The following SEMA6D variants were observed in gnomAD, a reference collection of about 807,000 sequenced individuals.
SEMA6D encodes the protein semaphorin-6D.
Under a neutral mutation model 106.6 loss-of-function variants are expected in SEMA6D, and 35 were observed. The ratio of observed to expected loss-of-function variants is 0.33; its 90% CI spans 0.25 to 0.44. The LOEUF (loss-of-function observed/expected upper bound fraction) is 0.44. Ranked by LOEUF, SEMA6D falls within the 20% of genes least tolerant of loss-of-function variation. The pLI is 1.00. For synonymous variants in SEMA6D, 499 were observed against 487.7 expected (o/e 1.02, Z -0.31); for missense variants, 1,185 against 1,345.9 (o/e 0.88, Z 1.87).
chr15:47,570,460 T>C (rs2046351626), intron 3 of SEMA6D, among the ~76,000 whole-genome samples: 1 of 152,252 alleles, frequency 6.6e-6, no homozygotes, highest in Non-Finnish European at 1.5e-5. Flanking sequence ...TATGTCACAA[T>C]TGGTGAAACT....
At chr15:47,506,633 G>A (rs933274514) in intron 3 of SEMA6D, among the ~76,000 whole-genome samples, 1 of 95,708 alleles carries the variant, frequency 1.0e-5, no homozygotes, top group Non-Finnish European at 2.1e-5. Context: ...CACACACACA[G>A]CGTTATCGAC....
At chr15:47,571,899 G>C (rs540901123) in intron 3 of SEMA6D, among the ~76,000 whole-genome samples, 1 of 152,180 alleles carries the variant, frequency 6.6e-6, no homozygotes, top group Non-Finnish European at 1.5e-5. Flanking sequence ...CAAACAAAGA[G>C]ATGATTTTTT....
At chr15:47,204,084 C>T (rs905536636) in intron 1 of SEMA6D, among the ~76,000 whole-genome samples, 4 of 152,066 alleles carry the variant, frequency 2.6e-5, no homozygotes, top group African/African-American at 4.8e-5. Flanking sequence ...AAGGAAGAGT[C>T]GAATTATTAC....
intron 1 of SEMA6D, among the ~76,000 whole-genome samples, chr15:47,318,262 T>C (rs956048399): frequency 4.0e-5 from 6 of 151,544 alleles, no homozygotes; most frequent in Non-Finnish European, 8.8e-5. Flanking sequence ...ATTTTTCTTT[T>C]TTTTAAAATT....
chr15:47,304,433 TAAAAAAAAAAAAAA>T (rs56185341), intron 1 of SEMA6D, among the ~76,000 whole-genome samples: 4 of 93,870 alleles, frequency 4.3e-5, no homozygotes, highest in East Asian at 1.0e-3. Flanking sequence ...GCCTTCTAAC[TAAAAAAAAAAAAAA>T]AAAAAAAAAA....
chr15:47,354,229 A>G (rs1205519533), intron 1 of SEMA6D, among the ~76,000 whole-genome samples: 2 of 148,456 alleles, frequency 1.3e-5, no homozygotes, highest in African/African-American at 4.9e-5. Flanking sequence ...ATATACACAC[A>G]TACATATATA....
intron 3 of SEMA6D, among the ~76,000 whole-genome samples, chr15:47,571,276 A>G (rs1215232144): frequency 6.6e-6 from 1 of 152,222 alleles, no homozygotes; most frequent in East Asian, 1.9e-4. Context: ...AAGAAAAAAA[A>G]AATTCTGGAG....
chr15:47,245,102 TG>T (rs1566948013), intron 1 of SEMA6D, among the ~76,000 whole-genome samples: 1 of 152,110 alleles, frequency 6.6e-6, no homozygotes, highest in African/African-American at 2.4e-5. Flanking sequence ...AATCCAACAT[TG>T]ATGGGCACCT....
At chr15:47,256,475 A>G (rs2033808684) in intron 1 of SEMA6D, among the ~76,000 whole-genome samples, 1 of 152,202 alleles carries the variant, frequency 6.6e-6, no homozygotes, top group South Asian at 2.1e-4. Context: ...ACAATTTTTC[A>G]AAAATTACAG....
intron 2 of SEMA6D, among the ~76,000 whole-genome samples, chr15:47,425,110 C>T (rs2041288611): frequency 6.6e-6 from 1 of 152,064 alleles, no homozygotes; most frequent in South Asian, 2.1e-4. Flanking sequence ...TCTCCCGGAG[C>T]TTCCCTCAGA....
chr15:47,530,796 C>T (rs1193213020), intron 3 of SEMA6D, among the ~76,000 whole-genome samples: 1 of 152,144 alleles, frequency 6.6e-6, no homozygotes, highest in African/African-American at 2.4e-5. Flanking sequence ...AGTCCTGCTG[C>T]TGCTACTCAT....
chr15:47,367,338 C>T (rs2039067865), intron 1 of SEMA6D, among the ~76,000 whole-genome samples: 1 of 152,276 alleles, frequency 6.6e-6, no homozygotes, highest in South Asian at 2.1e-4. Flanking sequence ...TTATTAATAA[C>T]TAGTCTGCAT....
intron 3 of SEMA6D, among the ~76,000 whole-genome samples, chr15:47,506,657 C>A (rs2141695684): frequency 6.6e-6 from 1 of 151,816 alleles, no homozygotes; most frequent in Non-Finnish European, 1.5e-5. Context: ...CTTGCTCATC[C>A]CCCAGTGCCT....
intron 3 of SEMA6D, among the ~76,000 whole-genome samples, chr15:47,588,337 T>A (rs1397976999): frequency 6.6e-6 from 1 of 152,210 alleles, no homozygotes; most frequent in Non-Finnish European, 1.5e-5. Flanking sequence ...AATTGTAGCC[T>A]GTTCTGCCCC....
At chr15:47,735,443 T>C (rs1363648064) in intron 1 of SEMA6D, among the ~76,000 whole-genome samples, 1 of 152,202 alleles carries the variant, frequency 6.6e-6, no homozygotes, top group Non-Finnish European at 1.5e-5. Flanking sequence ...TCTGCAAGCA[T>C]TGCTACAAAG....
At chr15:47,567,432 T>G (rs1490215047) in intron 3 of SEMA6D, among the ~76,000 whole-genome samples, 1 of 152,158 alleles carries the variant, frequency 6.6e-6, no homozygotes, top group East Asian at 1.9e-4. Context: ...GAAAAAATGA[T>G]TTTACTAGTT....
chr15:47,582,495 A>T (rs1261623819), intron 3 of SEMA6D, among the ~76,000 whole-genome samples: 1 of 152,192 alleles, frequency 6.6e-6, no homozygotes. Flanking sequence ...GTTCTGCTCT[A>T]CACTAAGCAA....
chr15:47,253,095 G>T (rs910225935), intron 1 of SEMA6D, among the ~76,000 whole-genome samples: 2 of 151,982 alleles, frequency 1.3e-5, no homozygotes, highest in African/African-American at 4.8e-5. Context: ...CATTCTAACT[G>T]GGGTGAGGTG....
At chr15:47,352,772 A>C (rs16959320) in intron 1 of SEMA6D, among the ~76,000 whole-genome samples, 1,686 of 152,272 alleles carry the variant, frequency 0.011, 13 homozygotes, top group Non-Finnish European at 0.014. Flanking sequence ...TATATACTGC[A>C]AGACTTTTTG....
Sources: gnomAD v4.1 joint callset for allele counts (sites outside exome capture counted in the v4.1 genomes callset) on GRCh38, gnomAD v4.1.1 for gene constraint, MANE v1.5 for transcripts, NCBI Gene and HGNC (gene_info 2026-07-23, HGNC 2026-07-21) for gene names.